The following TPO variants were observed in gnomAD, a reference collection of about 807,000 sequenced individuals.
TPO encodes thyroid peroxidase.
TPO carries 78 observed loss-of-function variants against 96.9 expected under a neutral mutation model. The ratio of observed to expected loss-of-function variants is 0.81; its 90% confidence interval spans 0.67 to 0.97. The LOEUF (loss-of-function observed/expected upper bound fraction) is 0.97. TPO is among the 50% of genes least tolerant of loss of function. TPO has a pLI of 0.00. For synonymous variants in TPO, 547 were observed against 538.0 expected, an observed-to-expected ratio of 1.02 and a Z score of -0.23; for missense variants, 1,252 against 1,274.8, an observed-to-expected ratio of 0.98 and a Z score of 0.27.
In TPO at chr2:1,540,664, G is replaced by A. The variant is rs569075835; in HGVS notation, c.2689G>A (p.Gly897Arg). ...CGGAGGAACTCCCGAGCTGAGATGC[G>A]GAAAGCACCAGGCCGTAGGGACCTC... ...TGGGTPELRCGKHQAVGTSPQ... is the reference protein window; with the variant it reads ...TGGGTPELRCRKHQAVGTSPQ... Residue 897 changes from glycine to arginine, a missense_variant, in exon 16 of 17, where the codon GGA becomes AGA. By Grantham distance (125) the Gly-to-Arg change is moderately radical. Coordinates refer to ENST00000329066, the MANE Select transcript of TPO (RefSeq NM_001206744.2). 79 of 1,613,530 alleles carry A rather than the reference G, an allele frequency of 4.9e-5. 1 individual carries two copies. The highest frequency in any genetic ancestry group is 4.2e-4 in the South Asian group (38 of 91,074).
intron 13 of TPO, among the ~76,000 whole-genome samples, chr2:1,503,341 C>A (rs1260995370): frequency 6.6e-6 from 1 of 152,226 alleles, no homozygotes; most frequent in African/African-American, 2.4e-5. Flanking sequence ...GTAGAGAAGA[C>A]CTGTGACACG....
intron 10 of TPO, among the ~76,000 whole-genome samples, chr2:1,493,263 A>AACTC (rs1237208088): frequency 2.1e-5 from 3 of 145,038 alleles, no homozygotes; most frequent in Non-Finnish European, 4.5e-5. Flanking sequence ...GTGGGAGGCA[A>AACTC]ACTCTGAAGA....
At chr2:1,483,497 C>T (rs141009287) in intron 8 of TPO, among the ~76,000 whole-genome samples, 54 of 152,330 alleles carry the variant, frequency 3.5e-4, no homozygotes, top group African/African-American at 1.2e-3. Context: ...GGGAAGCACA[C>T]GGACCTTCTC....
chr2:1,486,851 A>G (rs1308599689), intron 9 of TPO, among the ~76,000 whole-genome samples: 2 of 152,132 alleles, frequency 1.3e-5, no homozygotes, highest in African/African-American at 2.4e-5. Flanking sequence ...ACCTGCTTAG[A>G]TGAGAGCTGA....
At chr2:1,528,277 C>A (rs531107683) in intron 15 of TPO, among the ~76,000 whole-genome samples, 9 of 125,046 alleles carry the variant, frequency 7.2e-5, no homozygotes, top group Non-Finnish European at 1.3e-4. Context: ...AAATCTCCCC[C>A]ACAGTGAGCA....
At position 1,540,294 on chromosome 2, in the gene TPO, C is replaced by G. The variant is rs28915674; in HGVS notation, c.2619-300C>G. ...TTGGCAGTGACTGGGGGGAAATCCT[C>G]ACTGCAGCCCGCGTCCCTTGCATGA... is the stretch of plus-strand genomic sequence containing the variant. On this transcript the variant is annotated intron_variant, in intron 15 of 16. Transcript: ENST00000329066. Among the ~76,000 whole-genome samples the G allele has an allele frequency of 4.5e-3, 690 of 152,328 alleles. 7 individuals carry two copies. The highest frequency in any genetic ancestry group is 0.016 in the African/African-American group (670 of 41,570).
At position 1,487,894 on chromosome 2, in the gene TPO, C is replaced by G. The variant is rs145033652; in HGVS notation, c.1671C>G (p.Asn557Lys). ...TGCAGGTGCAGGATCAGCTGATGAA[C>G]GAGGAGCTGACGGAAAGGCTCTTTG... ...AKLQVQDQLM[N>K]EELTERLFVL... is the part of the protein sequence containing the mutation. The change falls in exon 10 of 17, where the codon AAC (asparagine) becomes AAG (lysine). Residue 557 changes from asparagine to lysine, a missense_variant. Transcript: ENST00000329066. The G allele has an allele frequency of 6.2e-7, 1 of 1,614,200 alleles. No individual in the cohort carries two copies. Among genetic ancestry groups the G allele is most frequent in the African/African-American group, 1.3e-5 (1 of 75,056 alleles).
intron 7 of TPO, among the ~76,000 whole-genome samples, chr2:1,460,588 AAG>A (rs1668336096): frequency 6.6e-6 from 1 of 152,222 alleles, no homozygotes; most frequent in Non-Finnish European, 1.5e-5. Flanking sequence ...TGTCCATAAA[AAG>A]AGTATATTTC....
intron 16 of TPO, chr2:1,542,132 G>A (rs940522451): frequency 1.8e-5 from 10 of 546,362 alleles, no homozygotes; most frequent in Non-Finnish European, 3.3e-5. Context: ...AGGGACCTGT[G>A]TGCTCAGCAC....
intron 4 of TPO, 97 bp downstream of exon 4, chr2:1,433,704 C>A (rs1665266223): frequency 7.0e-7 from 1 of 1,437,396 alleles, no homozygotes; most frequent in African/African-American, 1.4e-5. Flanking sequence ...ATGTTTTTTA[C>A]TTGAGACCAA....
At chr2:1,449,746 G>A (rs1667154439) in intron 5 of TPO, among the ~76,000 whole-genome samples, 1 of 152,168 alleles carries the variant, frequency 6.6e-6, no homozygotes, top group African/African-American at 2.4e-5. Context: ...AACATATGAT[G>A]GGTATAAACA....
intron 15 of TPO, among the ~76,000 whole-genome samples, chr2:1,528,215 TCCC>T (rs1364707428): frequency 1.8e-5 from 1 of 54,234 alleles, no homozygotes; most frequent in Non-Finnish European, 3.3e-5. Context: ...CCTCCTCCAA[TCCC>T]CCCACTGTGT....
Position 1,477,613 on chromosome 2 carries a change from G to A in TPO, c.1338+9G>A. The A allele has an allele frequency of 6.6e-7, 1 of 1,505,774 alleles. No individual in the cohort carries two copies. Among genetic ancestry groups the A allele is most frequent in the South Asian group, 1.3e-5 (1 of 79,922 alleles). 93.3% of individuals were successfully genotyped at this position (1,505,774 alleles called of 1,614,324 possible). A position where few individuals can be genotyped will look rare whatever the true frequency, so the allele number is the denominator to read the frequency against. On this transcript the variant is annotated intron_variant, in intron 8 of 16. Coordinates refer to ENST00000329066, the MANE Select transcript of TPO (RefSeq NM_001206744.2). ...TGGGCGCTCTGCACCAGGTGCGCGGGGTGGTCCTGGGCGCCCTGGGTGGCT... is the reference window on the plus strand; with the variant it reads ...TGGGCGCTCTGCACCAGGTGCGCGGAGTGGTCCTGGGCGCCCTGGGTGGCT...
At chr2:1,431,392 C>G (rs1664964263) in intron 3 of TPO, among the ~76,000 whole-genome samples, 1 of 152,212 alleles carries the variant, frequency 6.6e-6, no homozygotes, top group Non-Finnish European at 1.5e-5. Flanking sequence ...GTTTGCACAG[C>G]CCGCAGAACC....
intron 1 of TPO, among the ~76,000 whole-genome samples, chr2:1,394,826 C>A (rs961457589): frequency 2.0e-5 from 3 of 152,114 alleles, no homozygotes; most frequent in African/African-American, 7.2e-5. Context: ...AGCTGGTTTG[C>A]AAGCCGCATT....
chr2:1,523,246 C>G (rs1457319888), intron 15 of TPO, among the ~76,000 whole-genome samples: 1 of 74,122 alleles, frequency 1.3e-5, no homozygotes, highest in Non-Finnish European at 2.7e-5. Flanking sequence ...CCAAATCCCC[C>G]CACTGTGTAA....
In TPO at chr2:1,496,229, C is replaced by T. The variant is rs779108101; in HGVS notation, c.2215+32C>T. The T allele has an allele frequency of 7.5e-6, 12 of 1,603,330 alleles. No individual in the cohort carries two copies. The East Asian group carries it at 2.5e-4, about 33-fold the overall frequency. ...TTCGGTCTCCTCTCACACCACGTTA[C>T]AGCACGTGCATCTCATCAAACAAAG... On this transcript the variant is annotated intron_variant, in intron 12 of 16. Transcript: ENST00000329066.
chr2:1,412,343 C>T (rs1662430197), upstream of TPO, among the ~76,000 whole-genome samples: 1 of 152,218 alleles, frequency 6.6e-6, no homozygotes, highest in South Asian at 2.1e-4. Context: ...ATGGAATCCT[C>T]TTTAATGAGC....
intron 15 of TPO, among the ~76,000 whole-genome samples, chr2:1,523,256 A>C (rs996309261): frequency 6.5e-4 from 8 of 12,400 alleles, no homozygotes; most frequent in Non-Finnish European, 7.4e-4. Context: ...CCACTGTGTA[A>C]AACCTCCCCA....
Sources: gnomAD v4.1 joint callset for allele counts (sites outside exome capture counted in the v4.1 genomes callset) on GRCh38, gnomAD v4.1.1 for gene constraint, MANE v1.5 for transcripts, NCBI Gene and HGNC (gene_info 2026-07-23, HGNC 2026-07-21) for gene names.